ZNF439: variants seen among roughly 807,000 people sequenced by gnomAD.
The protein encoded by ZNF439 is zinc finger protein 439.
A neutral mutation model predicts 47.3 loss-of-function variants in ZNF439; 40 were observed. The observed-to-expected ratio is 0.85, with a 90% confidence interval of 0.66 to 1.10. The LOEUF (loss-of-function observed/expected upper bound fraction) is 1.10. Among genes scored for constraint, ZNF439 ranks in the 50% least tolerant of loss-of-function variants. The pLI is 0.00. For synonymous variants in ZNF439, 171 were observed against 198.8 expected (o/e 0.86, Z 1.18); for missense variants, 556 against 601.1 (o/e 0.93, Z 0.78).
intron 1 of ZNF439, chr19:11,850,312 G>A (rs1248028473): frequency 6.6e-6 from 1 of 152,098 alleles, no homozygotes; most frequent in Non-Finnish European, 1.5e-5. Context: ...GACCTCAAGT[G>A]ATCCACCCCC....
chr19:11,858,467 GA>G lies in ZNF439; in HGVS notation c.64-7722del, dbSNP rs34251067. On this transcript the variant is annotated intron_variant, in intron 1 of 3. Coordinates refer to ENST00000682736, the MANE Select transcript of ZNF439 (RefSeq NM_001348719.2). Reference sequence around the variant, plus strand: ...GGCGACAGAGCGAGACTCCATCTCGGAAAAAAAAAAAAAAAAGGGGGTCTAT... The same window carrying G: ...GGCGACAGAGCGAGACTCCATCTCGGAAAAAAAAAAAAAAAGGGGGTCTAT... 3.9e-3 allele frequency among the ~76,000 whole-genome samples: 409 copies of G among 104,672 alleles called. 3 individuals are homozygous for G. The highest frequency in any genetic ancestry group is 9.9e-3 in the Admixed American group (104 of 10,460). 68.7% of individuals were successfully genotyped at this position (104,672 alleles called of 152,430 possible).
Position 11,868,789 on chromosome 19 carries a change from A to G in ZNF439, c.*220A>G, listed in dbSNP as rs150906399. 7.2e-3 allele frequency: 4,275 copies of G among 597,056 alleles called. 25 individuals carry two copies. The highest frequency in any genetic ancestry group is 0.013 in the Middle Eastern group (47 of 3,714). 37.0% of individuals were successfully genotyped at this position (597,056 alleles called of 1,614,324 possible). ...TCTGTCAAGAACCTTTCAATTTATG[A>G]AAGGACACACACTGGAGAGAAACCC... On this transcript the variant is annotated 3_prime_UTR_variant, in exon 4 of 4. Transcript: ENST00000682736.
Position 11,867,523 on chromosome 19 carries a change from G to A in ZNF439, c.469G>A (p.Glu157Lys), listed in dbSNP as rs780659023. The change falls in exon 4 of 4, where the codon GAA becomes AAA. Residue 157 changes from glutamate (E) to lysine (K), a missense_variant. Glu to Lys is a moderately conservative substitution (Grantham distance 56). Coordinates refer to ENST00000682736, the MANE Select transcript of ZNF439 (RefSeq NM_001348719.2). ...TGGACACAAGGCATGTGAATGTCAG[G>A]AATATGGACCAAAGCCATGGAAGAG... ...DTGHKACECQEYGPKPWKSQQ... is the reference protein window; with the variant it reads ...DTGHKACECQKYGPKPWKSQQ... 9.3e-6 allele frequency: 15 copies of A among 1,614,144 alleles called. No homozygotes were observed. The highest frequency in any genetic ancestry group is 5.0e-5 in the Admixed American group (3 of 60,026).
At chr19:11,865,384 A>G (rs1976646039) in intron 1 of ZNF439, among the ~76,000 whole-genome samples, 1 of 150,114 alleles carries the variant, frequency 6.7e-6, no homozygotes, top group Non-Finnish European at 1.5e-5. Context: ...ATTCCTGGGC[A>G]TCATAATGGA....
chr19:11,862,374 C>G (rs1160044182), intron 1 of ZNF439, among the ~76,000 whole-genome samples: 3 of 151,660 alleles, frequency 2.0e-5, no homozygotes, highest in Non-Finnish European at 4.4e-5. Flanking sequence ...TTGAGGCCAG[C>G]AGTTAGAGAC....
At position 11,868,782 on chromosome 19, in the gene ZNF439, A is replaced by G. The variant is rs755987652; in HGVS notation, c.*213A>G. The stretch of plus-strand genomic sequence containing the variant: ...CTTCAGATCTGTCAAGAACCTTTCA[A>G]TTTATGAAAGGACACACACTGGAGA... On this transcript the variant is annotated 3_prime_UTR_variant, in exon 4 of 4. Transcript: ENST00000682736. The G allele has an allele frequency of 2.6e-5, 16 of 605,388 alleles. No homozygotes were observed. The highest frequency in any genetic ancestry group is 1.3e-4 in the African/African-American group (7 of 53,748). 37.5% of individuals were successfully genotyped at this position (605,388 alleles called of 1,614,324 possible).
Position 11,848,811 on chromosome 19 carries a change from G to T in ZNF439, c.-57G>T, listed in dbSNP as rs1976144498. On this transcript the variant is annotated 5_prime_UTR_variant, in exon 1 of 4. Transcript: ENST00000682736. ...CGGCGGTTGGGATCTGGCCTTTCCA[G>T]CCCCGAGAGGGACCTAGTGCCTCTA... 1.4e-6 allele frequency: 2 copies of T among 1,473,600 alleles called. No individual in the cohort carries two copies. The highest frequency in any genetic ancestry group is 1.1e-5 in the South Asian group (1 of 87,070). 91.3% of individuals were successfully genotyped at this position (1,473,600 alleles called of 1,614,324 possible). A position where few individuals can be genotyped will look rare whatever the true frequency, so the allele number is the denominator to read the frequency against.
At chr19:11,856,209 G>A (rs1022770480) in intron 1 of ZNF439, 1 of 152,180 alleles carries the variant, frequency 6.6e-6, no homozygotes, top group African/African-American at 2.4e-5. Flanking sequence ...AAGTAAATAA[G>A]GCTAAATGTA....
chr19:11,865,879 T>C, intron 1 of ZNF439: 1 of 385,820 alleles, frequency 2.6e-6, no homozygotes, highest in Non-Finnish European at 4.0e-6. Flanking sequence ...AATACAAAAT[T>C]AGCCGGGTAT....
rs143003329 is a variant in ZNF439, at chr19:11,869,160, A to G, written c.*591A>G. 523 of 205,078 alleles carry G rather than the reference A, an allele frequency of 2.6e-3. 1 individual carries two copies. The highest frequency in any genetic ancestry group is 0.012 in the African/African-American group (501 of 42,074). 12.7% of individuals were successfully genotyped at this position (205,078 alleles called of 1,614,324 possible). On this transcript the variant is annotated 3_prime_UTR_variant, in exon 4 of 4. Coordinates refer to ENST00000682736, the MANE Select transcript of ZNF439 (RefSeq NM_001348719.2). ...GAAGGAAACCCTATGAATGTAAGCA[A>G]TGTGGCAAAAGCTTTCACTTCTTCC...
Position 11,867,516 on chromosome 19 carries a change from A to C in ZNF439, c.462A>C (p.Glu154Asp). 1 of 1,614,202 alleles carries C rather than the reference A, an allele frequency of 6.2e-7. No individual in the cohort carries two copies. Among genetic ancestry groups the C allele is most frequent in the African/African-American group, 1.3e-5 (1 of 75,066 alleles). The stretch of plus-strand genomic sequence containing the variant: ...GTGACACTGGACACAAGGCATGTGA[A>C]TGTCAGGAATATGGACCAAAGCCAT... ...IRGDTGHKAC[E>D]CQEYGPKPWK... The change falls in exon 4 of 4, where the codon GAA (glutamate) becomes GAC (aspartate). Residue 154 changes from glutamate to aspartate, a missense_variant. By Grantham distance (45) the Glu-to-Asp change is conservative (BLOSUM62 2). Transcript: ENST00000682736.
Position 11,848,835 on chromosome 19 carries a change from T to C in ZNF439, c.-33T>C, listed in dbSNP as rs1302854033. The C allele has an allele frequency of 2.6e-6, 4 of 1,527,902 alleles. No homozygotes were observed. In the East Asian group the frequency reaches 1.0e-4, roughly 40 times the overall value. The allele number at this position is 1,527,902 out of a possible 1,614,324, so 94.6% of individuals were successfully genotyped here. On this transcript the variant is annotated 5_prime_UTR_variant, in exon 1 of 4. Transcript: ENST00000682736. ...AGCCCCGAGAGGGACCTAGTGCCTC[T>C]ACCCAGATTTCTGTCGCTCTGTCAC... is the stretch of plus-strand genomic sequence containing the variant.
Position 11,868,711 on chromosome 19 carries a change from C to A in ZNF439, c.*142C>A. On this transcript the variant is annotated 3_prime_UTR_variant, in exon 4 of 4. Coordinates refer to ENST00000682736, the MANE Select transcript of ZNF439 (RefSeq NM_001348719.2). ...CAGTTCCTTTCGATATCTAAAAGGACTCACAGTGGAGAAAAACTCTATGAG... is the reference window on the plus strand; with the variant it reads ...CAGTTCCTTTCGATATCTAAAAGGAATCACAGTGGAGAAAAACTCTATGAG... 2 of 927,634 alleles carry A rather than the reference C, an allele frequency of 2.2e-6. No individual in the cohort carries two copies. Among genetic ancestry groups the A allele is most frequent in the Non-Finnish European group, 3.4e-6 (2 of 594,732 alleles). The allele number at this position is 927,634 out of a possible 1,614,324, so 57.5% of individuals were successfully genotyped here. A position where few individuals can be genotyped will look rare whatever the true frequency, so the allele number is the denominator to read the frequency against.
In ZNF439 at chr19:11,866,583, C is replaced by A. The variant is rs555342866; in HGVS notation, c.237C>A (p.Pro79=). ...ACATTGAATATGAGTACCAAAACCC[C>A]AGGAGAAACTTCAGGTAATTTGCAC... ...DQNIEYEYQN[P]RRNFRSVTEE... Residue 79 remains proline, a synonymous_variant, in exon 3 of 4, where the codon CCC becomes CCA. Coordinates refer to ENST00000682736, the MANE Select transcript of ZNF439 (RefSeq NM_001348719.2). 2 of 1,613,448 alleles carry A rather than the reference C, an allele frequency of 1.2e-6. No homozygotes were observed. The highest frequency in any genetic ancestry group is 2.7e-5 in the African/African-American group (2 of 75,012).
chr19:11,868,721 A>T lies in ZNF439; in HGVS notation c.*152A>T, dbSNP rs368824700. ...CGATATCTAAAAGGACTCACAGTGG[A>T]GAAAAACTCTATGAGTGTAAGCAAT... On this transcript the variant is annotated 3_prime_UTR_variant, in exon 4 of 4. Coordinates refer to ENST00000682736, the MANE Select transcript of ZNF439 (RefSeq NM_001348719.2). 1.1e-4 allele frequency: 94 copies of T among 864,620 alleles called. No individual in the cohort carries two copies. Among genetic ancestry groups the T allele is most frequent in the East Asian group, 1.1e-3 (44 of 41,002 alleles). The allele number at this position is 864,620 out of a possible 1,614,324, so 53.6% of individuals were successfully genotyped here. A position where few individuals can be genotyped will look rare whatever the true frequency, so the allele number is the denominator to read the frequency against.
intron 1 of ZNF439, among the ~76,000 whole-genome samples, chr19:11,862,165 T>G (rs1252386483): frequency 1.3e-5 from 2 of 152,098 alleles, no homozygotes; most frequent in African/African-American, 2.4e-5. Flanking sequence ...CTGCCTCAGC[T>G]TCCCAAAGTG....
At position 11,853,835 on chromosome 19, in the gene ZNF439, A is replaced by C. The variant is rs566226456; in HGVS notation, c.63+4905A>C. On this transcript the variant is annotated intron_variant, in intron 1 of 3. Coordinates refer to ENST00000682736, the MANE Select transcript of ZNF439 (RefSeq NM_001348719.2). Reference sequence around the variant, plus strand: ...GAACAAAAAACAGAGACTAAACAACATCATTCCAATAACTATATATGAGAT... The same window carrying C: ...GAACAAAAAACAGAGACTAAACAACCTCATTCCAATAACTATATATGAGAT... Among the ~76,000 whole-genome samples the C allele has an allele frequency of 2.0e-4, 30 of 152,288 alleles. No individual in the cohort carries two copies. The South Asian group carries it at 2.1e-3, about 11-fold the overall frequency.
At chr19:11,865,738 A>AAAAAC (rs1409459624) in intron 1 of ZNF439, among the ~76,000 whole-genome samples, 51 of 144,842 alleles carry the variant, frequency 3.5e-4, no homozygotes, top group African/African-American at 1.3e-3. Flanking sequence ...AAAAAAAAAA[A>AAAAAC]AATTGCTGTC....
At chr19:11,866,090 G>C in intron 1 of ZNF439, 115 bp from the exon 2 acceptor site, 1 of 1,549,554 alleles carries the variant, frequency 6.5e-7, no homozygotes, top group Non-Finnish European at 8.7e-7. Flanking sequence ...GATGACCAAA[G>C]CAGGGAATAA....
Sources: gnomAD v4.1 joint callset for allele counts (sites outside exome capture counted in the v4.1 genomes callset) on GRCh38, gnomAD v4.1.1 for gene constraint, MANE v1.5 for transcripts, NCBI Gene and HGNC (gene_info 2026-07-23, HGNC 2026-07-21) for gene names.